The following SELENOT variants were observed in gnomAD, a reference collection of about 807,000 sequenced individuals.
SELENOT encodes the protein thioredoxin reductase-like selenoprotein T.
Under a neutral mutation model 24.3 loss-of-function variants are expected in SELENOT, and 9 were observed. The ratio of observed to expected loss-of-function variants is 0.37; its 90% CI spans 0.22 to 0.65. SELENOT has a LOEUF of 0.65. SELENOT is among the 30% of genes least tolerant of loss of function. The pLI, the probability that SELENOT is intolerant of heterozygous loss-of-function variation, is 0.60. For synonymous variants in SELENOT, 81 were observed against 86.0 expected (o/e 0.94, Z 0.32); for missense variants, 166 against 247.6 (o/e 0.67, Z 2.21).
In SELENOT at chr3:150,628,381, A is replaced by G. The variant is rs936370918; in HGVS notation, c.*752A>G. The G allele has an allele frequency of 6.6e-6, 1 of 152,664 alleles. No individual in the cohort carries two copies. The highest frequency in any genetic ancestry group is 1.5e-5 in the Non-Finnish European group (1 of 68,026). 9.5% of individuals were successfully genotyped at this position (152,664 alleles called of 1,614,324 possible). On this transcript the variant is annotated 3_prime_UTR_variant, in exon 6 of 6. Coordinates refer to ENST00000471696, the MANE Select transcript of SELENOT (RefSeq NM_016275.5). ...AAAAAACTAAGCAGATATGAGTTAA[A>G]TTTAAAAGTTTCAATTTATTGCTCA...
intron 1 of SELENOT, chr3:150,611,636 G>T: frequency 6.4e-7 from 1 of 1,572,508 alleles, no homozygotes; most frequent in Non-Finnish European, 8.7e-7. Flanking sequence ...TCACCTTCTG[G>T]GATATGCTCT....
intron 1 of SELENOT, among the ~76,000 whole-genome samples, chr3:150,615,953 T>C (rs1726202089): frequency 6.6e-6 from 1 of 151,652 alleles, no homozygotes; most frequent in Non-Finnish European, 1.5e-5. Context: ...CAAACTATAC[T>C]ACAAGGCTAC....
chr3:150,627,862 C>T lies in SELENOT; in HGVS notation c.*233C>T, dbSNP rs1726476021. The T allele has an allele frequency of 6.6e-6, 1 of 152,056 alleles. No individual in the cohort carries two copies. Among genetic ancestry groups the T allele is most frequent in the East Asian group, 1.9e-4 (1 of 5,194 alleles). 9.4% of individuals were successfully genotyped at this position (152,056 alleles called of 1,614,324 possible). A position where few individuals can be genotyped will look rare whatever the true frequency, so the allele number is the denominator to read the frequency against. ...AGTGCAATAATACTGTATAGCTTTCCCCACCTCCCACAAAATCACCCAGTT... is the reference window on the plus strand; with the variant it reads ...AGTGCAATAATACTGTATAGCTTTCTCCACCTCCCACAAAATCACCCAGTT... On this transcript the variant is annotated 3_prime_UTR_variant, in exon 6 of 6. Coordinates refer to ENST00000471696, the MANE Select transcript of SELENOT (RefSeq NM_016275.5).
intron 1 of SELENOT, among the ~76,000 whole-genome samples, chr3:150,604,777 C>T (rs1725921837): frequency 6.6e-6 from 1 of 152,220 alleles, no homozygotes; most frequent in African/African-American, 2.4e-5. Flanking sequence ...TGGCTCACGC[C>T]TGTAATCCCA....
intron 1 of SELENOT, among the ~76,000 whole-genome samples, chr3:150,616,408 C>G (rs1176695760): frequency 1.4e-5 from 2 of 142,640 alleles, no homozygotes; most frequent in Admixed American, 7.1e-5. Context: ...TCAGAGTGAA[C>G]AGGCAACCTA....
chr3:150,623,853 A>G (rs1726387980), intron 3 of SELENOT, among the ~76,000 whole-genome samples: 1 of 151,988 alleles, frequency 6.6e-6, no homozygotes, highest in Non-Finnish European at 1.5e-5. Flanking sequence ...AAATGGGTCT[A>G]ATTTTTATTT....
rs1726485363 is a variant in SELENOT at position 150,628,286 on chromosome 3, A to G, written c.*657A>G. 6.6e-6 allele frequency: 1 copy of G among 152,622 alleles called. No homozygotes were observed. The highest frequency in any genetic ancestry group is 6.5e-5 in the Admixed American group (1 of 15,280). 9.5% of individuals were successfully genotyped at this position (152,622 alleles called of 1,614,324 possible). ...AACTGCTTTTTAAATCCTATTGTGTAGTTAAAGTGTCATGCCTTGACCAAT... is the reference window on the plus strand; with the variant it reads ...AACTGCTTTTTAAATCCTATTGTGTGGTTAAAGTGTCATGCCTTGACCAAT... On this transcript the variant is annotated 3_prime_UTR_variant, in exon 6 of 6. Transcript: ENST00000471696.
At chr3:150,614,913 G>T (rs1726177664) in intron 1 of SELENOT, among the ~76,000 whole-genome samples, 1 of 149,770 alleles carries the variant, frequency 6.7e-6, no homozygotes, top group African/African-American at 2.5e-5. Context: ...TGTGCACATT[G>T]TGCAGGTTAG....
chr3:150,609,920 A>G lies in SELENOT; in HGVS notation c.137+6421A>G, dbSNP rs952447173. Among the ~76,000 whole-genome samples the G allele has an allele frequency of 3.9e-5, 6 of 152,184 alleles. No homozygotes were observed. The South Asian group carries it at 1.2e-3, about 31-fold the overall frequency. On this transcript the variant is annotated intron_variant, in intron 1 of 5. Transcript: ENST00000471696. Reference sequence around the variant, plus strand: ...GTTGGTTAAAGTGTCAGTGTTTGGTATGATTTATTTTTGTGAATTTTTGTG... The same window carrying G: ...GTTGGTTAAAGTGTCAGTGTTTGGTGTGATTTATTTTTGTGAATTTTTGTG...
intron 4 of SELENOT, among the ~76,000 whole-genome samples, chr3:150,625,821 C>T (rs1434165427): frequency 6.6e-6 from 1 of 151,654 alleles, no homozygotes; most frequent in Non-Finnish European, 1.5e-5. Flanking sequence ...AAATATTTAC[C>T]ATCTGCCTTC....
At chr3:150,616,246 C>A (rs2108010092) in intron 1 of SELENOT, among the ~76,000 whole-genome samples, 2 of 143,060 alleles carry the variant, frequency 1.4e-5, no homozygotes, top group Non-Finnish European at 1.5e-5. Flanking sequence ...CCATAAAAAC[C>A]CTAGAAGAAA....
chr3:150,628,026 A>G lies in SELENOT; in HGVS notation c.*397A>G, dbSNP rs529456408. On this transcript the variant is annotated 3_prime_UTR_variant, in exon 6 of 6. Coordinates refer to ENST00000471696, the MANE Select transcript of SELENOT (RefSeq NM_016275.5). ...TGTCTGTTAAATCTGTTGTGCTTTT[A>G]TATGAATATTTGTTTTTTATAGTTT... 6 of 152,160 alleles carry G rather than the reference A, an allele frequency of 3.9e-5. No homozygotes were observed. The highest frequency in any genetic ancestry group is 8.8e-5 in the Non-Finnish European group (6 of 68,022). The allele number at this position is 152,160 out of a possible 1,614,324, so 9.4% of individuals were successfully genotyped here. A position where few individuals can be genotyped will look rare whatever the true frequency, so the allele number is the denominator to read the frequency against.
At chr3:150,624,953 G>A in intron 4 of SELENOT, 54 bp downstream of exon 4, 1 of 899,860 alleles carries the variant, frequency 1.1e-6, no homozygotes, top group South Asian at 2.0e-5. Flanking sequence ...TTTATAATGA[G>A]TATCAAGCTT....
At chr3:150,619,237 A>G (rs1011277212) in intron 1 of SELENOT, among the ~76,000 whole-genome samples, 6 of 148,572 alleles carry the variant, frequency 4.0e-5, no homozygotes, top group Non-Finnish European at 7.4e-5. Flanking sequence ...AAAAAAAAAA[A>G]AGATTTCTTT....
chr3:150,622,178 A>G lies in SELENOT; in HGVS notation c.138-207A>G, dbSNP rs143261451. 6.3e-3 allele frequency among the ~76,000 whole-genome samples: 961 copies of G among 152,120 alleles called. 5 individuals carry two copies. The highest frequency in any genetic ancestry group is 8.8e-3 in the Non-Finnish European group (597 of 67,982). On this transcript the variant is annotated intron_variant, in intron 1 of 5. Coordinates refer to ENST00000471696, the MANE Select transcript of SELENOT (RefSeq NM_016275.5). Reference sequence around the variant, plus strand: ...GGCATATATAAAGTTTAATGTCTTAATGGAAGGATTTGAGGGGGTGGTAAC... The same window carrying G: ...GGCATATATAAAGTTTAATGTCTTAGTGGAAGGATTTGAGGGGGTGGTAAC...
intron 1 of SELENOT, chr3:150,611,139 CAG>C: frequency 1.7e-6 from 1 of 604,572 alleles, no homozygotes; most frequent in Non-Finnish European, 2.9e-6. Flanking sequence ...TTATTAGAGT[CAG>C]AAACAAAGAA....
At chr3:150,624,994 G>A (rs545766203) in intron 4 of SELENOT, 95 bp downstream of exon 4, 3 of 559,450 alleles carry the variant, frequency 5.4e-6, no homozygotes, top group Admixed American at 4.3e-5. Flanking sequence ...AACTTCTTTA[G>A]TGTTTGTATA....
chr3:150,616,931 A>G (rs1218908670), intron 1 of SELENOT, among the ~76,000 whole-genome samples: 1 of 152,258 alleles, frequency 6.6e-6, no homozygotes, highest in African/African-American at 2.4e-5. Context: ...GGCGTAAGCC[A>G]CTGCACCCAG....
At chr3:150,603,813 G>C (rs1234446219) in intron 1 of SELENOT, 1 of 221,616 alleles carries the variant, frequency 4.5e-6, no homozygotes, top group East Asian at 9.0e-5. Context: ...GGTTGGCGGC[G>C]TCACGCCATA....
Sources: gnomAD v4.1 joint callset for allele counts (sites outside exome capture counted in the v4.1 genomes callset) on GRCh38, gnomAD v4.1.1 for gene constraint, MANE v1.5 for transcripts, NCBI Gene and HGNC (gene_info 2026-07-23, HGNC 2026-07-21) for gene names.